Variants in ANXA7 observed in about 807,000 individuals in gnomAD.
ANXA7 encodes the protein annexin VII.
ANXA7 carries 55 observed loss-of-function variants against 64.9 expected under a neutral mutation model. The observed-to-expected ratio is 0.85, with a 90% CI of 0.68 to 1.06. ANXA7 has a LOEUF of 1.06. Ranked by LOEUF, ANXA7 falls within the 50% of genes least tolerant of loss-of-function variation. The pLI is 0.00. For missense variants in ANXA7, 548 were observed against 582.1 expected, an observed-to-expected ratio of 0.94 and a Z score of 0.60; for synonymous variants, 200 against 192.4, an observed-to-expected ratio of 1.04 and a Z score of -0.33.
chr10:73,376,724 G>A (rs1190416849), intron 12 of ANXA7, among the ~76,000 whole-genome samples: 1 of 151,902 alleles, frequency 6.6e-6, no homozygotes, highest in Non-Finnish European at 1.5e-5. Context: ...GTACATCCAT[G>A]TTCATAGCAG....
At chr10:73,394,179 T>G (rs1327610047) in intron 5 of ANXA7, among the ~76,000 whole-genome samples, 1 of 152,166 alleles carries the variant, frequency 6.6e-6, no homozygotes, top group Non-Finnish European at 1.5e-5. Flanking sequence ...TCACACCAGT[T>G]AGAATGGCGA....
intron 5 of ANXA7, among the ~76,000 whole-genome samples, chr10:73,395,548 C>T (rs2099294299): frequency 6.6e-6 from 1 of 152,112 alleles, no homozygotes; most frequent in South Asian, 2.1e-4. Context: ...CTTTGGGAGG[C>T]CGAGGCAGGT....
At chr10:73,397,087 A>G in intron 4 of ANXA7, 77 bp downstream of exon 4, 1 of 617,358 alleles carries the variant, frequency 1.6e-6, no homozygotes, top group Non-Finnish European at 2.6e-6. Flanking sequence ...TCTCAAATAT[A>G]AACTAAGTTC....
chr10:73,384,003 C>T lies in ANXA7; in HGVS notation c.634-313G>A, dbSNP rs568025053. Among the ~76,000 whole-genome samples the T allele has an allele frequency of 1.4e-3, 213 of 152,026 alleles. 1 individual carries two copies. Among genetic ancestry groups the T allele is most frequent in the Non-Finnish European group, 1.3e-3 (90 of 67,968 alleles). ...GGGAGTGGTGGCAGGCACCTGTAGT[C>T]CCAGGTCCTCGGGAGGCTGACACAA... On this transcript the variant is annotated intron_variant, in intron 7 of 12. Transcript: ENST00000372921.
intron 6 of ANXA7, among the ~76,000 whole-genome samples, chr10:73,388,081 A>C (rs1323789879): frequency 6.6e-6 from 1 of 151,956 alleles, no homozygotes; most frequent in African/African-American, 2.4e-5. Flanking sequence ...TCTTGAACTC[A>C]GGTGATCTGC....
chr10:73,383,583 T>C lies in ANXA7; in HGVS notation c.741A>G (p.Ala247=). ...AAATGACATATAGTAGTACCTGCAT[T>C]GCTTTCCGTAAGCTCCAGGCATCGT... is the stretch of plus-strand genomic sequence containing the variant. ...TYYDAWSLRK[A]MQGAGTQERV... Residue 247 remains alanine, a synonymous_variant, in exon 8 of 13, where the codon GCA becomes GCG. Coordinates refer to ENST00000372921, the MANE Select transcript of ANXA7 (RefSeq NM_001156.5). 2 of 1,608,204 alleles carry C rather than the reference T, an allele frequency of 1.2e-6. No individual in the cohort carries two copies. Among genetic ancestry groups the C allele is most frequent in the Non-Finnish European group, 1.7e-6 (2 of 1,174,788 alleles).
chr10:73,410,075 G>C (rs1257269045), intron 1 of ANXA7, among the ~76,000 whole-genome samples: 1 of 151,974 alleles, frequency 6.6e-6, no homozygotes, highest in Non-Finnish European at 1.5e-5. Flanking sequence ...ATTGGAAACA[G>C]TCTTCTAAAC....
At chr10:73,401,796 C>CTGG (rs2055671329) in intron 1 of ANXA7, among the ~76,000 whole-genome samples, 1 of 142,494 alleles carries the variant, frequency 7.0e-6, no homozygotes, top group East Asian at 2.5e-4. Flanking sequence ...GCCACCTCAC[C>CTGG]CGGCCAAGGC....
At chr10:73,378,870 C>T in intron 12 of ANXA7, 41 bp downstream of exon 12, 1 of 1,458,658 alleles carries the variant, frequency 6.9e-7, no homozygotes, top group African/African-American at 1.4e-5. Flanking sequence ...CAACATTGAA[C>T]ATCAAGTAAG....
At chr10:73,376,248 A>C in intron 12 of ANXA7, 31 bp from the exon 13 acceptor site, 1 of 1,529,466 alleles carries the variant, frequency 6.5e-7, no homozygotes, top group South Asian at 1.3e-5. Flanking sequence ...CTGTCAGAAA[A>C]ACATCTGTGA....
intron 12 of ANXA7, 152 bp from the exon 13 acceptor site, chr10:73,376,369 T>C (rs1035630811): frequency 2.6e-5 from 17 of 664,440 alleles, no homozygotes; most frequent in Non-Finnish European, 3.8e-5. Flanking sequence ...CTCATACCAA[T>C]GCTAGCACTA....
In ANXA7 at chr10:73,380,160, A is replaced by G. The variant is rs747626953; in HGVS notation, c.960T>C (p.Ala320=). The part of the protein sequence containing the change: ...DENQSINHQM[A]QEDAQRLYQA... Reference sequence around the variant, plus strand: ...GATAGAGACGCTGAGCATCTTCCTGAGCCATTTGGTGGTTTATACTCTGGT... The same window carrying G: ...GATAGAGACGCTGAGCATCTTCCTGGGCCATTTGGTGGTTTATACTCTGGT... The change falls in exon 10 of 13, where the codon GCT becomes GCC. Residue 320 remains alanine, a synonymous_variant. Transcript: ENST00000372921. 1.7e-5 allele frequency: 27 copies of G among 1,613,986 alleles called. No individual in the cohort carries two copies. Among genetic ancestry groups the G allele is most frequent in the Non-Finnish European group, 8.5e-7 (1 of 1,180,020 alleles).
intron 1 of ANXA7, among the ~76,000 whole-genome samples, chr10:73,401,558 G>A (rs1161923781): frequency 6.6e-6 from 1 of 151,656 alleles, no homozygotes; most frequent in Admixed American, 6.6e-5. Context: ...GGAGTGTAGT[G>A]GCACAATCTC....
chr10:73,398,712 C>T (rs1017472062), intron 2 of ANXA7, among the ~76,000 whole-genome samples: 9 of 151,710 alleles, frequency 5.9e-5, no homozygotes, highest in Admixed American at 1.3e-4. Flanking sequence ...ATTTTCCCAG[C>T]ATCTACAAAT....
chr10:73,391,176 A>AAG (rs1473685598), intron 5 of ANXA7, among the ~76,000 whole-genome samples: 1 of 151,672 alleles, frequency 6.6e-6, no homozygotes, highest in East Asian at 1.9e-4. Flanking sequence ...CTCTTAAAAA[A>AAG]AAAAAAAAAA....
chr10:73,383,701 ACAAATAC>A lies in ANXA7; in HGVS notation c.634-18_634-12del. 6.5e-7 allele frequency: 1 copy of A among 1,545,768 alleles called. No individual in the cohort carries two copies. The highest frequency in any genetic ancestry group is 8.9e-7 in the Non-Finnish European group (1 of 1,119,332). ...ATCTTTGATTAAATCCTATTTAATC[ACAAATAC>A]AAGCTAAGTATATGTGTTCTCCAAA... On this transcript the variant is annotated splice_polypyrimidine_tract_variant and intron_variant, in intron 7 of 12. Coordinates refer to ENST00000372921, the MANE Select transcript of ANXA7 (RefSeq NM_001156.5).
At chr10:73,402,755 T>G (rs1242746260) in intron 1 of ANXA7, among the ~76,000 whole-genome samples, 2 of 152,196 alleles carry the variant, frequency 1.3e-5, no homozygotes, top group African/African-American at 4.8e-5. Context: ...CTACCTATCT[T>G]TAAGTACATA....
intron 5 of ANXA7, among the ~76,000 whole-genome samples, chr10:73,394,669 T>C (rs1019880275): frequency 2.0e-5 from 3 of 151,984 alleles, no homozygotes; most frequent in Non-Finnish European, 2.9e-5. Context: ...ATGAGAACAC[T>C]TGGACACAGG....
chr10:73,384,931 T>TC (rs1471507341), intron 7 of ANXA7, among the ~76,000 whole-genome samples: 1 of 151,960 alleles, frequency 6.6e-6, no homozygotes, highest in Non-Finnish European at 1.5e-5. Flanking sequence ...GAGAAGGGGT[T>TC]CCCAGCCTTG....
Sources: allele counts gnomAD v4.1 joint callset (sites outside exome capture counted in the v4.1 genomes callset), GRCh38; gene constraint gnomAD v4.1.1; transcripts MANE v1.5; gene names NCBI Gene and HGNC (gene_info 2026-07-23, HGNC 2026-07-21).